Variants in PDE1C observed in about 807,000 individuals in gnomAD.
PDE1C encodes the protein phosphodiesterase 1C.
In PDE1C, 62 loss-of-function variants were observed where a neutral mutation model predicts 93.1. The ratio of observed to expected loss-of-function variants is 0.67; its 90% confidence interval spans 0.54 to 0.82. The LOEUF is 0.82. PDE1C is among the 40% of genes least tolerant of loss of function. PDE1C has a pLI of 0.00. For synonymous variants in PDE1C, 325 were observed against 310.1 expected (o/e 1.05, Z -0.50); for missense variants, 742 against 884.6 (o/e 0.84, Z 2.04).
chr7:32,286,595 A>G (rs963058784), intron 1 of PDE1C, among the ~76,000 whole-genome samples: 7 of 152,236 alleles, frequency 4.6e-5, no homozygotes, highest in Non-Finnish European at 1.5e-5. Context: ...CACCTGCCTC[A>G]TGGGGCATTC....
At chr7:31,815,062 C>T (rs1175152339) in intron 15 of PDE1C, among the ~76,000 whole-genome samples, 1 of 152,022 alleles carries the variant, frequency 6.6e-6, no homozygotes, top group African/African-American at 2.4e-5. Context: ...GCCCATCTGA[C>T]CAGCCAGCTT....
chr7:31,748,454 C>T (rs191157222), downstream of PDE1C, among the ~76,000 whole-genome samples: 11 of 152,290 alleles, frequency 7.2e-5, no homozygotes, highest in African/African-American at 2.4e-4. Context: ...TGCCAGTGAA[C>T]ATTCACAGAG....
chr7:32,027,607 T>TAAAAAAAAAAAAAAAAAAAAAA (rs551660766), intron 2 of PDE1C, among the ~76,000 whole-genome samples: 1 of 78,540 alleles, frequency 1.3e-5, no homozygotes, highest in African/African-American at 6.1e-5. Flanking sequence ...TCAAAAATGG[T>TAAAAAAAAAAAAAAAAAAAAAA]AAAAAAAAAA....
chr7:32,176,399 A>G (rs377505000), intron 2 of PDE1C, among the ~76,000 whole-genome samples: 87 of 152,328 alleles, frequency 5.7e-4, no homozygotes, highest in African/African-American at 2.0e-3. Context: ...AGGACCAGAA[A>G]CAATGAAAAT....
chr7:32,284,234 G>C (rs1373814830), intron 1 of PDE1C, among the ~76,000 whole-genome samples: 2 of 152,092 alleles, frequency 1.3e-5, no homozygotes, highest in African/African-American at 2.4e-5. Flanking sequence ...GAAATCCCAA[G>C]ACCCTATTCA....
At chr7:32,081,801 G>T (rs1796678602) in intron 3 of PDE1C, among the ~76,000 whole-genome samples, 1 of 152,202 alleles carries the variant, frequency 6.6e-6, no homozygotes, top group African/African-American at 2.4e-5. Context: ...ATTGACTGCT[G>T]GTAACCTCAG....
intron 1 of PDE1C, among the ~76,000 whole-genome samples, chr7:32,409,562 C>A (rs1785124003): frequency 6.6e-6 from 1 of 151,792 alleles, no homozygotes; most frequent in East Asian, 1.9e-4. Context: ...TAAAAAAAAT[C>A]ATATCCAAGT....
chr7:32,114,833 G>A (rs1380606110), intron 3 of PDE1C, among the ~76,000 whole-genome samples: 2 of 150,408 alleles, frequency 1.3e-5, no homozygotes, highest in South Asian at 2.1e-4. Context: ...TCAAAAAAAA[G>A]ACATTTATGC....
intron 2 of PDE1C, among the ~76,000 whole-genome samples, chr7:32,048,337 C>T (rs1010285231): frequency 6.6e-6 from 1 of 152,140 alleles, no homozygotes; most frequent in Non-Finnish European, 1.5e-5. Context: ...GCTGTGCTCA[C>T]TTCTGGACCC....
At chr7:32,191,464 T>C (rs571929584) in intron 2 of PDE1C, among the ~76,000 whole-genome samples, 23 of 152,316 alleles carry the variant, frequency 1.5e-4, no homozygotes, top group African/African-American at 5.1e-4. Flanking sequence ...GAGAATGTTA[T>C]ACAAATAGAC....
chr7:31,729,682 T>C, the PDE1C span, among the ~76,000 whole-genome samples: 1 of 152,110 alleles, frequency 6.6e-6, no homozygotes, highest in South Asian at 2.1e-4. Context: ...CAGGCCCAAA[T>C]TGTAAGCTTA....
chr7:31,771,907 G>C (rs1471803704), intron 17 of PDE1C, among the ~76,000 whole-genome samples: 1 of 151,980 alleles, frequency 6.6e-6, no homozygotes, highest in Admixed American at 6.5e-5. Context: ...TTAGCTGGGC[G>C]TGGTGGTGGG....
intron 2 of PDE1C, among the ~76,000 whole-genome samples, chr7:32,024,478 T>G (rs1193239291): frequency 6.6e-6 from 1 of 151,210 alleles, no homozygotes; most frequent in East Asian, 1.9e-4. Context: ...TTCATTCTCT[T>G]CCAATAAGCA....
intron 1 of PDE1C, among the ~76,000 whole-genome samples, chr7:32,322,564 G>A (rs972082496): frequency 5.9e-5 from 9 of 152,000 alleles, no homozygotes; most frequent in South Asian, 4.2e-4. Context: ...TGATCACACC[G>A]CTGCACTCCA....
At chr7:31,672,990 G>A in the PDE1C span, among the ~76,000 whole-genome samples, 1 of 152,134 alleles carries the variant, frequency 6.6e-6, no homozygotes, top group Non-Finnish European at 1.5e-5. Flanking sequence ...CTGCTTCCCT[G>A]TGAACAAAGT....
intron 3 of PDE1C, among the ~76,000 whole-genome samples, chr7:32,083,384 C>G (rs985423689): frequency 1.1e-4 from 16 of 151,908 alleles, no homozygotes; most frequent in African/African-American, 3.6e-4. Context: ...ATTGGTGTAC[C>G]TGAAAGTGAC....
chr7:31,842,505 G>C (rs948878341), intron 9 of PDE1C, among the ~76,000 whole-genome samples: 2 of 152,028 alleles, frequency 1.3e-5, no homozygotes, highest in African/African-American at 4.8e-5. Context: ...TTCATCTTGT[G>C]TGAATTTTGG....
intron 2 of PDE1C, among the ~76,000 whole-genome samples, chr7:31,985,772 A>G (rs1783319109): frequency 6.6e-6 from 1 of 152,152 alleles, no homozygotes; most frequent in Non-Finnish European, 1.5e-5. Context: ...ATGGCTGCAT[A>G]GTATTCCATG....
At chr7:31,735,752 G>C in the PDE1C span, among the ~76,000 whole-genome samples, 25,746 of 152,116 alleles carry the variant, frequency 0.17, 2,985 homozygotes, top group East Asian at 0.36. Context: ...TGGCTCTAGG[G>C]CATGTTGTTT....
Sources: gnomAD v4.1 joint callset for allele counts (sites outside exome capture counted in the v4.1 genomes callset) on GRCh38, gnomAD v4.1.1 for gene constraint, MANE v1.5 for transcripts, NCBI Gene and HGNC (gene_info 2026-07-23, HGNC 2026-07-21) for gene names.